RRP1B: variants seen among roughly 807,000 people sequenced by gnomAD.
The protein encoded by RRP1B is ribosomal RNA processing protein 1 homolog B.
In RRP1B, 56 loss-of-function variants were observed where a neutral mutation model predicts 80.2. The ratio of observed to expected loss-of-function variants is 0.70; its 90% CI spans 0.56 to 0.87. RRP1B has a LOEUF of 0.87. RRP1B is among the 40% of genes least tolerant of loss of function. RRP1B has a pLI of 0.00. For missense variants in RRP1B, 807 were observed against 939.8 expected (o/e 0.86, Z 1.85); for synonymous variants, 351 against 357.6 (o/e 0.98, Z 0.21).
At chr21:43,660,349 A>G (rs1477824576) in intron 1 of RRP1B, among the ~76,000 whole-genome samples, 2 of 152,176 alleles carry the variant, frequency 1.3e-5, no homozygotes, top group Non-Finnish European at 2.9e-5. Flanking sequence ...GGATCACCTG[A>G]GGTCGGGAGT....
At chr21:43,677,950 G>C (rs1394383985) in intron 8 of RRP1B, among the ~76,000 whole-genome samples, 1 of 152,238 alleles carries the variant, frequency 6.6e-6, no homozygotes, top group African/African-American at 2.4e-5. Flanking sequence ...GCTGTGGATT[G>C]TGCTGCTATA....
chr21:43,667,676 GA>G (rs1041419713), intron 1 of RRP1B, among the ~76,000 whole-genome samples: 2 of 151,364 alleles, frequency 1.3e-5, no homozygotes, highest in Admixed American at 6.6e-5. Flanking sequence ...CTGTGGCCAA[GA>G]AAAAAAAAGT....
chr21:43,678,692 T>G (rs2147169448), intron 8 of RRP1B, among the ~76,000 whole-genome samples: 1 of 152,370 alleles, frequency 6.6e-6, no homozygotes, highest in South Asian at 2.1e-4. Flanking sequence ...GTTGGCTGCA[T>G]AATTGGCAAA....
In RRP1B at chr21:43,693,269, C is replaced by G. The variant is rs755928849; in HGVS notation, c.2163C>G (p.Pro721=). 6.2e-7 allele frequency: 1 copy of G among 1,614,038 alleles called. No homozygotes were observed. The highest frequency in any genetic ancestry group is 1.1e-5 in the South Asian group (1 of 91,070). Residue 721 remains proline, a synonymous_variant, in exon 16 of 16, where the codon CCC becomes CCG. Coordinates refer to ENST00000340648, the MANE Select transcript of RRP1B (RefSeq NM_015056.3). This position sits in a 1 kb window ranked among gnomAD's most constrained non-coding sequence, Gnocchi z 4.1. ...TGGCCTTCGACCCTGAACAGAAGCCCCTCCACGGGGTGCTGAAGACCCCCA... is the reference window on the plus strand; with the variant it reads ...TGGCCTTCGACCCTGAACAGAAGCCGCTCCACGGGGTGCTGAAGACCCCCA... ...SRVAFDPEQK[P]LHGVLKTPTS...
At position 43,670,073 on chromosome 21, in the gene RRP1B, A is replaced by C. The variant is rs971504489; in HGVS notation, c.213+107A>C. On this transcript the variant is annotated intron_variant, in intron 2 of 15. Transcript: ENST00000340648. The stretch of plus-strand genomic sequence containing the variant: ...CCCCGATACACTGACGCACACTGAC[A>C]GTCATGCTTCAAGGAGTCATTTTCG... 19 of 679,432 alleles carry C rather than the reference A, an allele frequency of 2.8e-5. No individual in the cohort carries two copies. In the Admixed American group the frequency reaches 4.3e-4, roughly 15 times the overall value. 42.1% of individuals were successfully genotyped at this position (679,432 alleles called of 1,614,324 possible). A position where few individuals can be genotyped will look rare whatever the true frequency, so the allele number is the denominator to read the frequency against.
intron 8 of RRP1B, among the ~76,000 whole-genome samples, chr21:43,680,155 C>A (rs2083037711): frequency 6.6e-6 from 1 of 152,194 alleles, no homozygotes; most frequent in Non-Finnish European, 1.5e-5. Context: ...TTGACTTCCT[C>A]TTTACCAGTT....
At chr21:43,661,364 T>C (rs1401290851) in intron 1 of RRP1B, among the ~76,000 whole-genome samples, 4 of 152,194 alleles carry the variant, frequency 2.6e-5, no homozygotes, top group Non-Finnish European at 5.9e-5. Context: ...CGAAATCCTG[T>C]TCTCTGCTGC....
At chr21:43,671,174 C>T (rs1048930755) in intron 2 of RRP1B, among the ~76,000 whole-genome samples, 1 of 152,110 alleles carries the variant, frequency 6.6e-6, no homozygotes, top group Non-Finnish European at 1.5e-5. Context: ...AGGGCATGCT[C>T]TCTCAGGGAC....
At chr21:43,681,034 G>A (rs761050545) in intron 8 of RRP1B, among the ~76,000 whole-genome samples, 2 of 152,140 alleles carry the variant, frequency 1.3e-5, no homozygotes, top group African/African-American at 4.8e-5. Context: ...GAGGTCAGGA[G>A]TTCGAGACCA....
intron 4 of RRP1B, 102 bp downstream of exon 4, chr21:43,674,057 A>T: frequency 1.2e-6 from 1 of 832,550 alleles, no homozygotes; most frequent in Non-Finnish European, 1.9e-6. Context: ...AACAAGCCAC[A>T]GGCTTAGTGT....
intron 1 of RRP1B, 98 bp from the exon 2 acceptor site, chr21:43,669,786 G>T: frequency 1.3e-6 from 1 of 796,438 alleles, no homozygotes; most frequent in Admixed American, 2.5e-5. Flanking sequence ...ACGTGCAAAC[G>T]AAAGAGAATT....
At chr21:43,680,799 C>G (rs1462363132) in intron 8 of RRP1B, among the ~76,000 whole-genome samples, 1 of 152,214 alleles carries the variant, frequency 6.6e-6, no homozygotes, top group Non-Finnish European at 1.5e-5. Flanking sequence ...CCCACCTCAG[C>G]CTCCCAAAGT....
intron 1 of RRP1B, among the ~76,000 whole-genome samples, chr21:43,664,743 GC>G (rs1307509512): frequency 1.3e-5 from 2 of 152,204 alleles, no homozygotes; most frequent in African/African-American, 4.8e-5. Context: ...GTTCCACATG[GC>G]TGGGGAGGCC....
chr21:43,669,926 T>G lies in RRP1B; in HGVS notation c.173T>G (p.Leu58Arg). Residue 58 changes from leucine (L) to arginine (R), a missense_variant, in exon 2 of 16, where the codon CTC (leucine) becomes CGC (arginine). Leu to Arg is a moderately radical substitution (Grantham distance 102). Coordinates refer to ENST00000340648, the MANE Select transcript of RRP1B (RefSeq NM_015056.3). The part of the protein sequence containing the change: ...QEELLKIWKG[L>R]FYCMWVQDEP... The stretch of plus-strand genomic sequence containing the variant: ...GAACTTCTGAAAATCTGGAAGGGGC[T>G]CTTCTACTGCATGTGGGTGCAGGAT... 1 of 1,613,366 alleles carries G rather than the reference T, an allele frequency of 6.2e-7. No homozygotes were observed. Among genetic ancestry groups the G allele is most frequent in the East Asian group, 2.2e-5 (1 of 44,874 alleles).
intron 1 of RRP1B, among the ~76,000 whole-genome samples, chr21:43,660,373 G>T (rs1248289343): frequency 6.6e-6 from 1 of 152,152 alleles, no homozygotes; most frequent in East Asian, 1.9e-4. Flanking sequence ...AGACCAGCCG[G>T]ACCAACATGG....
At chr21:43,671,826 C>T (rs891872960) in intron 2 of RRP1B, among the ~76,000 whole-genome samples, 1 of 152,144 alleles carries the variant, frequency 6.6e-6, no homozygotes, top group Non-Finnish European at 1.5e-5. Context: ...GCTGGAACTA[C>T]AGGCACACGC....
chr21:43,693,241 G>T lies in RRP1B; in HGVS notation c.2135G>T (p.Arg712Leu). Residue 712 changes from arginine to leucine, a missense_variant, in exon 16 of 16, where the codon CGA becomes CTA. Arg to Leu is a moderately radical substitution (Grantham distance 102). Transcript: ENST00000340648. The surrounding 1 kb of genome is among the most constrained non-coding windows in gnomAD (Gnocchi z 4.1). ...TTGGTCAGTCCCACGGGCCCTTCTC[G>T]AGTGGCCTTCGACCCTGAACAGAAG... ...SILVSPTGPS[R>L]VAFDPEQKPL... 6.2e-7 allele frequency: 1 copy of T among 1,614,006 alleles called. No homozygotes were observed. Among genetic ancestry groups the T allele is most frequent in the East Asian group, 2.2e-5 (1 of 44,854 alleles).
At chr21:43,682,581 C>T (rs145707842) in intron 8 of RRP1B, among the ~76,000 whole-genome samples, 92 of 152,322 alleles carry the variant, frequency 6.0e-4, no homozygotes, top group Non-Finnish European at 1.0e-3. Flanking sequence ...AGACTAGGGC[C>T]GGATTCCTGC....
intron 3 of RRP1B, among the ~76,000 whole-genome samples, chr21:43,673,565 C>T (rs1462994562): frequency 1.4e-5 from 2 of 145,360 alleles, no homozygotes; most frequent in Admixed American, 7.3e-5. Flanking sequence ...ACCCAGGAGG[C>T]AGAGGTTGCA....
Sources: gnomAD v4.1 joint callset for allele counts (sites outside exome capture counted in the v4.1 genomes callset) on GRCh38, gnomAD v4.1.1 for gene constraint, Gnocchi (gnomAD v3.1) non-coding constraint, MANE v1.5 for transcripts, NCBI Gene and HGNC (gene_info 2026-07-23, HGNC 2026-07-21) for gene names.